The following CD109 variants were observed in gnomAD, a reference collection of about 807,000 sequenced individuals.
CD109 encodes the protein CD109 antigen.
In CD109, 149 loss-of-function variants were observed where a neutral mutation model predicts 165.8. The observed-to-expected ratio is 0.90, with a 90% CI of 0.79 to 1.03. The LOEUF is 1.03. Among genes scored for constraint, CD109 ranks in the 50% least tolerant of loss-of-function variants. CD109 has a pLI of 0.00. For synonymous variants in CD109, 585 were observed against 592.1 expected (o/e 0.99, Z 0.18); for missense variants, 1,712 against 1,677.8 (o/e 1.02, Z -0.36).
intron 23 of CD109, among the ~76,000 whole-genome samples, chr6:73,802,289 G>GTATA (rs1554183442): frequency 0.027 from 2,133 of 77,972 alleles, 73 homozygotes; most frequent in Middle Eastern, 0.054. Flanking sequence ...GTGTGTGTGT[G>GTATA]TATATATATA....
chr6:73,757,881 A>G (rs1354672673), intron 6 of CD109, among the ~76,000 whole-genome samples: 1 of 152,214 alleles, frequency 6.6e-6, no homozygotes, highest in African/African-American at 2.4e-5. Flanking sequence ...GCCCTGATCT[A>G]GAAGAATAAG....
Position 73,730,367 on chromosome 6 carries a change from G to A in CD109, c.300G>A (p.Glu100=). 2 of 1,613,344 alleles carry A rather than the reference G, an allele frequency of 1.2e-6. No homozygotes were observed. The highest frequency in any genetic ancestry group is 8.5e-7 in the Non-Finnish European group (1 of 1,179,312). The change falls in exon 4 of 33, where the codon GAG becomes GAA. Residue 100 remains glutamate, a synonymous_variant. Transcript: ENST00000287097. The part of the protein sequence containing the change: ...LPSLPLNSAD[E]IYELRVTGRT... The stretch of plus-strand genomic sequence containing the variant: ...AGCTACCTCTGAACAGTGCAGATGA[G>A]ATTTATGAGCTACGTGTAACCGGAC...
intron 5 of CD109, among the ~76,000 whole-genome samples, chr6:73,744,137 A>G (rs1043349198): frequency 1.4e-4 from 22 of 152,268 alleles, no homozygotes; most frequent in African/African-American, 4.8e-4. Context: ...ATCTGCCACC[A>G]TCCATCTCCA....
At chr6:73,765,728 G>C (rs530432206) in intron 10 of CD109, among the ~76,000 whole-genome samples, 1 of 152,254 alleles carries the variant, frequency 6.6e-6, no homozygotes, top group Non-Finnish European at 1.5e-5. Flanking sequence ...TGGAGCCGCG[G>C]AAGTTAAGGG....
At chr6:73,755,378 T>C (rs9352030) in intron 5 of CD109, among the ~76,000 whole-genome samples, 5,924 of 152,308 alleles carry the variant, frequency 0.039, 464 homozygotes, top group East Asian at 0.3. Flanking sequence ...TTGAAGCCAA[T>C]TGATACACAA....
Position 73,815,062 on chromosome 6 carries a change from G to C in CD109, c.3850G>C (p.Asp1284His). 2 of 1,589,738 alleles carry C rather than the reference G, an allele frequency of 1.3e-6. No homozygotes were observed. Among genetic ancestry groups the C allele is most frequent in the Non-Finnish European group, 1.7e-6 (2 of 1,171,618 alleles). The change falls in exon 30 of 33, where the codon GAT (aspartate) becomes CAT (histidine). Residue 1284 changes from aspartate to histidine, a missense_variant. Physicochemically the swap from Asp to His is moderately conservative, Grantham distance 81. Coordinates refer to ENST00000287097, the MANE Select transcript of CD109 (RefSeq NM_133493.5). ...CCAAAATCAAGAAGCCTTTGATTTA[G>C]ATGTTGCTGTAAAAGAAAATAAAGA... ...SIQNQEAFDL[D>H]VAVKENKDDL...
intron 10 of CD109, among the ~76,000 whole-genome samples, chr6:73,765,004 G>A (rs182248490): frequency 2.6e-5 from 4 of 152,232 alleles, no homozygotes; most frequent in South Asian, 2.1e-4. Context: ...AACCATGGGC[G>A]TTCAGAGGGG....
intron 2 of CD109, among the ~76,000 whole-genome samples, chr6:73,702,168 T>A (rs950514989): frequency 2.6e-5 from 4 of 152,218 alleles, no homozygotes; most frequent in Non-Finnish European, 4.4e-5. Context: ...TAATGGAGTG[T>A]TAACCTTTTT....
At chr6:73,762,681 T>C (rs1773680796) in intron 8 of CD109, 60 bp from the exon 9 acceptor site, 1 of 1,401,798 alleles carries the variant, frequency 7.1e-7, no homozygotes, top group Admixed American at 2.0e-5. Context: ...AGTTTGAGTT[T>C]TATTTCTAAA....
intron 29 of CD109, among the ~76,000 whole-genome samples, chr6:73,814,188 A>G (rs537960094): frequency 1.3e-5 from 2 of 152,048 alleles, no homozygotes; most frequent in Non-Finnish European, 2.9e-5. Context: ...GCACGTGTGC[A>G]TATGTGTATG....
intron 32 of CD109, among the ~76,000 whole-genome samples, chr6:73,821,667 A>G (rs1182924398): frequency 6.6e-6 from 1 of 152,216 alleles, no homozygotes; most frequent in Non-Finnish European, 1.5e-5. Flanking sequence ...TGGGAGCTGA[A>G]CATTGGGTAC....
intron 5 of CD109, among the ~76,000 whole-genome samples, chr6:73,737,633 A>T (rs1772598082): frequency 6.6e-6 from 1 of 152,246 alleles, no homozygotes; most frequent in African/African-American, 2.4e-5. Flanking sequence ...AACCACTGTT[A>T]TAAATGGCAG....
chr6:73,788,424 A>G (rs1323906162), intron 21 of CD109, 44 bp from the exon 22 acceptor site: 2 of 1,571,720 alleles, frequency 1.3e-6, no homozygotes, highest in East Asian at 2.2e-5. Flanking sequence ...CTCTGTAAAC[A>G]TGTGAGTAGA....
intron 7 of CD109, among the ~76,000 whole-genome samples, chr6:73,762,036 C>T (rs1011422313): frequency 1.3e-5 from 2 of 152,148 alleles, no homozygotes; most frequent in Middle Eastern, 3.4e-3. Flanking sequence ...GATCTCGGCT[C>T]ACTGCAACCT....
chr6:73,788,706 T>C (rs1024192058), intron 22 of CD109, 94 bp downstream of exon 22: 1 of 1,151,870 alleles, frequency 8.7e-7, no homozygotes, highest in Non-Finnish European at 1.2e-6. Context: ...TATTGAGTCC[T>C]AATAAGAAGA....
rs749960538 is a variant in CD109, at chr6:73,696,252, C to T, written c.37C>T (p.Leu13Phe). ...ACCGCTCCTGACCGCCGCCCACCTC[C>T]TCTGCGTGTGCACCGCCGCGCTGGC... ...GPPLLTAAHL[L>F]CVCTAALAVA... Residue 13 changes from leucine (L) to phenylalanine (F), a missense_variant, in exon 1 of 33, where the codon CTC (leucine) becomes TTC (phenylalanine). By Grantham distance (22) the Leu-to-Phe change is conservative. Coordinates refer to ENST00000287097, the MANE Select transcript of CD109 (RefSeq NM_133493.5). 21 of 1,540,996 alleles carry T rather than the reference C, an allele frequency of 1.4e-5. No individual in the cohort carries two copies. The African/African-American group carries it at 2.3e-4, about 17-fold the overall frequency.
At chr6:73,750,048 G>C (rs909648327) in intron 5 of CD109, among the ~76,000 whole-genome samples, 2 of 152,170 alleles carry the variant, frequency 1.3e-5, no homozygotes, top group African/African-American at 4.8e-5. Flanking sequence ...GTGTTAGTAA[G>C]TTCAAAGGTA....
rs927544417 is a variant in CD109, at chr6:73,723,091, C to A, written c.248-160C>A. 27 of 975,876 alleles carry A rather than the reference C, an allele frequency of 2.8e-5. 1 individual carries two copies. The African/African-American group carries it at 4.6e-4, about 16-fold the overall frequency. 60.5% of individuals were successfully genotyped at this position (975,876 alleles called of 1,614,324 possible). On this transcript the variant is annotated intron_variant, in intron 2 of 32. Coordinates refer to ENST00000287097, the MANE Select transcript of CD109 (RefSeq NM_133493.5). ...TTGGCACAAAGATATGTAATAATTT[C>A]TTGGGTCTTCTGGGCATTTAAATGT...
chr6:73,691,157 T>C (rs1770684571), upstream of CD109, among the ~76,000 whole-genome samples: 1 of 152,214 alleles, frequency 6.6e-6, no homozygotes, highest in African/African-American at 2.4e-5. Context: ...AGCCAAGGTT[T>C]TCCCCATCAT....
Sources: gnomAD v4.1 joint callset for allele counts (sites outside exome capture counted in the v4.1 genomes callset) on GRCh38, gnomAD v4.1.1 for gene constraint, MANE v1.5 for transcripts, NCBI Gene and HGNC (gene_info 2026-07-23, HGNC 2026-07-21) for gene names.